Variants in CCSER2 observed in about 807,000 individuals in gnomAD.
The protein encoded by CCSER2 is coiled-coil serine rich protein 2, also known as serine-rich coiled-coil domain-containing protein 2.
Under a neutral mutation model 92.3 loss-of-function variants are expected in CCSER2, and 46 were observed. The ratio of observed to expected loss-of-function variants is 0.50; its 90% CI spans 0.39 to 0.64. CCSER2 has a LOEUF of 0.64. Ranked by LOEUF, CCSER2 falls within the 30% of genes least tolerant of loss-of-function variation. The probability of loss-of-function intolerance (pLI) is 0.00; values close to 1 mark genes in which losing one functional copy is unlikely to be tolerated. For synonymous variants in CCSER2, 433 were observed against 431.4 expected (o/e 1.00, Z -0.04); for missense variants, 1,244 against 1,238.9 (o/e 1.00, Z -0.06).
intron 1 of CCSER2, among the ~76,000 whole-genome samples, chr10:84,336,881 C>G (rs2132986804): frequency 6.6e-6 from 1 of 152,218 alleles, no homozygotes; most frequent in East Asian, 1.9e-4. Context: ...GAGAAGTGCC[C>G]ACATTTTGTA....
intron 3 of CCSER2, among the ~76,000 whole-genome samples, chr10:84,386,918 A>G (rs890371676): frequency 2.6e-5 from 4 of 152,152 alleles, no homozygotes; most frequent in Non-Finnish European, 4.4e-5. Context: ...GAAATAATAG[A>G]TACTGGGGAC....
At chr10:84,452,228 G>A (rs552270959) in intron 6 of CCSER2, 2 of 152,250 alleles carry the variant, frequency 1.3e-5, no homozygotes, top group South Asian at 4.1e-4. Flanking sequence ...GTCATTTCAA[G>A]TATCCATGTC....
intron 1 of CCSER2, among the ~76,000 whole-genome samples, chr10:84,367,747 T>C (rs1845856215): frequency 6.6e-6 from 1 of 151,784 alleles, no homozygotes; most frequent in Non-Finnish European, 1.5e-5. Context: ...TTCTTCTTAA[T>C]TGGTTTCCTT....
chr10:84,475,297 A>G (rs1489128024), intron 8 of CCSER2, among the ~76,000 whole-genome samples: 5 of 152,204 alleles, frequency 3.3e-5, no homozygotes, highest in Non-Finnish European at 5.9e-5. Context: ...GAAGGTGAGC[A>G]TCTGTACAGT....
intron 6 of CCSER2, among the ~76,000 whole-genome samples, chr10:84,457,239 A>C (rs1359001855): frequency 7.8e-5 from 5 of 63,812 alleles, no homozygotes; most frequent in Non-Finnish European, 1.2e-4. Flanking sequence ...TAAATATATT[A>C]TATATTATAT....
chr10:84,361,342 A>G (rs1845489435), intron 1 of CCSER2, among the ~76,000 whole-genome samples: 1 of 152,208 alleles, frequency 6.6e-6, no homozygotes, highest in Non-Finnish European at 1.5e-5. Context: ...TCCCTTTGGA[A>G]TTTGGTTGAC....
intron 8 of CCSER2, among the ~76,000 whole-genome samples, chr10:84,471,039 AT>A (rs1846761455): frequency 6.6e-6 from 1 of 152,116 alleles, no homozygotes; most frequent in South Asian, 2.1e-4. Flanking sequence ...ATAAAAGACC[AT>A]GATAAAAAGA....
intron 9 of CCSER2, among the ~76,000 whole-genome samples, chr10:84,509,245 A>G (rs1849226108): frequency 6.6e-6 from 1 of 152,236 alleles, no homozygotes. Flanking sequence ...GACCTAAATC[A>G]CTTTGGTAAT....
At chr10:84,437,439 C>T (rs983595011) in intron 5 of CCSER2, among the ~76,000 whole-genome samples, 2 of 151,642 alleles carry the variant, frequency 1.3e-5, no homozygotes, top group Non-Finnish European at 2.9e-5. Context: ...GCTTGAACTC[C>T]GGAGGCAGAG....
chr10:84,356,074 G>A (rs1449471052), intron 1 of CCSER2, among the ~76,000 whole-genome samples: 1 of 146,154 alleles, frequency 6.8e-6, no homozygotes, highest in East Asian at 2.0e-4. Flanking sequence ...TTGCACTCCA[G>A]CCTGGGTGAC....
intron 3 of CCSER2, among the ~76,000 whole-genome samples, chr10:84,398,036 T>A (rs1841933286): frequency 6.6e-6 from 1 of 152,138 alleles, no homozygotes; most frequent in Non-Finnish European, 1.5e-5. Context: ...AACAACACAC[T>A]GTTTGTTATC....
chr10:84,452,516 GT>G (rs1364335734), intron 6 of CCSER2, among the ~76,000 whole-genome samples: 1 of 152,184 alleles, frequency 6.6e-6, no homozygotes. Flanking sequence ...TGCATTCAGA[GT>G]TCAGAAATTC....
intron 1 of CCSER2, among the ~76,000 whole-genome samples, chr10:84,364,417 A>G (rs773739916): frequency 2.0e-5 from 3 of 152,132 alleles, no homozygotes; most frequent in Non-Finnish European, 4.4e-5. Flanking sequence ...TTCCTTTGTC[A>G]TGAAGGCAGT....
chr10:84,379,271 C>T (rs1840763079), intron 3 of CCSER2, among the ~76,000 whole-genome samples: 3 of 152,074 alleles, frequency 2.0e-5, no homozygotes, highest in Non-Finnish European at 4.4e-5. Flanking sequence ...TTTTTAACAT[C>T]TTATAGGGAC....
intron 5 of CCSER2, among the ~76,000 whole-genome samples, chr10:84,427,410 T>G (rs1843495145): frequency 6.6e-6 from 1 of 152,222 alleles, no homozygotes; most frequent in Admixed American, 6.5e-5. Flanking sequence ...CTTAAAACTA[T>G]TAATTTCTCT....
chr10:84,417,120 A>G (rs1344604483), intron 3 of CCSER2, among the ~76,000 whole-genome samples: 1 of 152,208 alleles, frequency 6.6e-6, no homozygotes, highest in African/African-American at 2.4e-5. Context: ...TTGTTTATTC[A>G]GTTCTTTAGG....
intron 1 of CCSER2, among the ~76,000 whole-genome samples, chr10:84,343,838 A>G (rs1461445134): frequency 2.0e-5 from 3 of 152,234 alleles, no homozygotes; most frequent in Non-Finnish European, 4.4e-5. Context: ...ATTTATCCAC[A>G]TGACAGTAAA....
intron 1 of CCSER2, among the ~76,000 whole-genome samples, chr10:84,344,015 GA>G (rs1844345587): frequency 6.6e-6 from 1 of 152,232 alleles, no homozygotes; most frequent in Non-Finnish European, 1.5e-5. Flanking sequence ...GTTCCTGGAA[GA>G]TACTGGCATA....
intron 9 of CCSER2, among the ~76,000 whole-genome samples, chr10:84,483,525 T>G (rs992416333): frequency 1.3e-5 from 2 of 151,838 alleles, no homozygotes; most frequent in African/African-American, 4.8e-5. Flanking sequence ...AAAAATCACA[T>G]CAAATGTTTA....
Sources: allele counts gnomAD v4.1 joint callset (sites outside exome capture counted in the v4.1 genomes callset), GRCh38; gene constraint gnomAD v4.1.1; transcripts MANE v1.5; gene names NCBI Gene and HGNC (gene_info 2026-07-23, HGNC 2026-07-21).